CHST3: variants seen among roughly 807,000 people sequenced by gnomAD.
The protein encoded by CHST3 is C6ST-1.
In CHST3, 20 loss-of-function variants were observed where a neutral mutation model predicts 35.4. That is an observed-to-expected ratio of 0.57 (90% CI 0.40 to 0.82). The LOEUF (loss-of-function observed/expected upper bound fraction) is 0.82. CHST3 is among the 40% of genes least tolerant of loss of function. The pLI is 0.00. For missense variants in CHST3, 693 were observed against 670.1 expected (o/e 1.03, Z -0.38); for synonymous variants, 334 against 295.9 (o/e 1.13, Z -1.32).
At chr10:71,976,322 C>T (rs748539037) in intron 1 of CHST3, among the ~76,000 whole-genome samples, 52 of 152,208 alleles carry the variant, frequency 3.4e-4, no homozygotes, top group Non-Finnish European at 6.3e-4. Flanking sequence ...ATTGCCATTG[C>T]TCTCAGTGGG....
intron 1 of CHST3, among the ~76,000 whole-genome samples, chr10:71,989,261 G>A (rs1019236179): frequency 3.9e-5 from 6 of 152,204 alleles, no homozygotes; most frequent in Admixed American, 3.9e-4. Context: ...TGGACAACAG[G>A]GAAAGACCCT....
At chr10:71,970,437 C>T (rs1389553682) in intron 1 of CHST3, among the ~76,000 whole-genome samples, 1 of 152,196 alleles carries the variant, frequency 6.6e-6, no homozygotes, top group African/African-American at 2.4e-5. Flanking sequence ...ACAACCACCT[C>T]GGAGGCCAGC....
At chr10:71,969,501 G>A (rs905097479) in intron 1 of CHST3, among the ~76,000 whole-genome samples, 7 of 152,222 alleles carry the variant, frequency 4.6e-5, no homozygotes, top group Non-Finnish European at 4.4e-5. Flanking sequence ...AAAGGCTGGC[G>A]CCCTTCAAAG....
chr10:71,993,620 T>C (rs1459239434), intron 1 of CHST3, among the ~76,000 whole-genome samples: 1 of 152,242 alleles, frequency 6.6e-6, no homozygotes, highest in Non-Finnish European at 1.5e-5. Flanking sequence ...GAGGAATCAC[T>C]GTCTATTGCA....
At chr10:71,967,944 C>T (rs1589494946) in intron 1 of CHST3, among the ~76,000 whole-genome samples, 2 of 151,932 alleles carry the variant, frequency 1.3e-5, no homozygotes, top group Non-Finnish European at 2.9e-5. Flanking sequence ...GCCTCAGCCC[C>T]CTGATAGGCG....
intron 1 of CHST3, among the ~76,000 whole-genome samples, chr10:72,003,905 A>G (rs1156871347): frequency 6.6e-6 from 1 of 151,924 alleles, no homozygotes; most frequent in African/African-American, 2.4e-5. Flanking sequence ...TATTTAGATA[A>G]TAATAATGAC....
At chr10:72,005,674 G>T (rs1397406294) in intron 1 of CHST3, 62 bp from the exon 2 acceptor site, 4 of 786,584 alleles carry the variant, frequency 5.1e-6, no homozygotes, top group Non-Finnish European at 8.3e-6. Flanking sequence ...GTCTGGTGGA[G>T]AGACATCCTC....
rs1460379688 is a variant in CHST3 at position 72,012,906 on chromosome 10, T to A, written c.*4435T>A. Reference sequence around the variant, plus strand: ...AAAGCAGAATTGGCAACTTCACTTGTCTCAAGAGCTCCAAGATCCTTTGGT... The same window carrying A: ...AAAGCAGAATTGGCAACTTCACTTGACTCAAGAGCTCCAAGATCCTTTGGT... On this transcript the variant is annotated 3_prime_UTR_variant, in exon 3 of 3. Transcript: ENST00000373115. 1 of 152,220 alleles carries A rather than the reference T, an allele frequency of 6.6e-6. No homozygotes were observed. The highest frequency in any genetic ancestry group is 2.4e-5 in the African/African-American group (1 of 41,450). The allele number at this position is 152,220 out of a possible 1,614,324, so 9.4% of individuals were successfully genotyped here. A position where few individuals can be genotyped will look rare whatever the true frequency, so the allele number is the denominator to read the frequency against.
intron 1 of CHST3, among the ~76,000 whole-genome samples, chr10:71,998,644 T>C (rs556699221): frequency 4.6e-4 from 70 of 152,354 alleles, no homozygotes; most frequent in African/African-American, 1.6e-3. Context: ...GCTCAGAGTC[T>C]GTGGCAGCCC....
intron 1 of CHST3, among the ~76,000 whole-genome samples, chr10:71,978,365 T>TA (rs59485657): frequency 3.9e-3 from 521 of 133,066 alleles, no homozygotes; most frequent in Middle Eastern, 7.6e-3. Context: ...GCCTCCGTCT[T>TA]AAAAAAAAAA....
chr10:72,008,746 G>A lies in CHST3; in HGVS notation c.*275G>A. On this transcript the variant is annotated 3_prime_UTR_variant, in exon 3 of 3. Transcript: ENST00000373115. ...AGGCCCGGGCCTGTTGGCAAGCTTC[G>A]ATCTCACACACACAGAAACATACAT... The A allele has an allele frequency of 4.6e-6, 2 of 435,312 alleles. No individual in the cohort carries two copies. The highest frequency in any genetic ancestry group is 7.9e-6 in the Non-Finnish European group (2 of 252,228). The allele number at this position is 435,312 out of a possible 1,614,324, so 27.0% of individuals were successfully genotyped here. A position where few individuals can be genotyped will look rare whatever the true frequency, so the allele number is the denominator to read the frequency against.
At chr10:71,985,639 C>A (rs1005045515) in intron 1 of CHST3, among the ~76,000 whole-genome samples, 3 of 152,332 alleles carry the variant, frequency 2.0e-5, no homozygotes, top group African/African-American at 2.4e-5. Flanking sequence ...ACCCTGCCTC[C>A]TGTTGTGGGA....
intron 1 of CHST3, among the ~76,000 whole-genome samples, chr10:71,988,955 G>A (rs187941063): frequency 6.6e-6 from 1 of 152,234 alleles, no homozygotes; most frequent in Non-Finnish European, 1.5e-5. Flanking sequence ...TTGAGGTCAG[G>A]AATTCGAGAC....
chr10:72,006,118 C>A, intron 2 of CHST3, 136 bp downstream of exon 2: 1 of 1,109,638 alleles, frequency 9.0e-7, no homozygotes, highest in Non-Finnish European at 1.3e-6. Context: ...TTCTATGTCC[C>A]AGGCAGTGGC....
At chr10:71,979,376 G>T (rs1839778538) in intron 1 of CHST3, among the ~76,000 whole-genome samples, 1 of 152,236 alleles carries the variant, frequency 6.6e-6, no homozygotes, top group South Asian at 2.1e-4. Context: ...CGGAGTCTCG[G>T]GAGGGGGGTT....
rs371988923 is a variant in CHST3, at chr10:72,011,196, C to A, written c.*2725C>A. The A allele has an allele frequency of 3.3e-5, 5 of 152,302 alleles. No individual in the cohort carries two copies. Among genetic ancestry groups the A allele is most frequent in the African/African-American group, 1.2e-4 (5 of 41,562 alleles). 9.4% of individuals were successfully genotyped at this position (152,302 alleles called of 1,614,324 possible). A position where few individuals can be genotyped will look rare whatever the true frequency, so the allele number is the denominator to read the frequency against. On this transcript the variant is annotated 3_prime_UTR_variant, in exon 3 of 3. Transcript: ENST00000373115. ...AGGAGAATGAGCTGGAGCGCCAGCA[C>A]CACGATGGCCCCAGGACGTTGTTTA...
chr10:71,975,651 C>T (rs1333161198), intron 1 of CHST3, among the ~76,000 whole-genome samples: 2 of 152,220 alleles, frequency 1.3e-5, no homozygotes, highest in Non-Finnish European at 2.9e-5. Context: ...GCTCAGGGGG[C>T]GCCTGTCCTG....
In CHST3 at chr10:72,007,590, G is replaced by T; in HGVS notation, c.559G>T (p.Val187Leu). The part of the protein sequence containing the change: ...GGANAAGSAL[V>L]YRDVLKQLFL... ...CGCCAACGCCGCGGGCTCGGCCCTG[G>T]TGTACCGCGACGTGCTCAAGCAGCT... Residue 187 changes from valine to leucine, a missense_variant, in exon 3 of 3, where the codon GTG (valine) becomes TTG (leucine). Val to Leu is a conservative substitution (Grantham distance 32, BLOSUM62 1). Coordinates refer to ENST00000373115, the MANE Select transcript of CHST3 (RefSeq NM_004273.5). 6.2e-7 allele frequency: 1 copy of T among 1,609,414 alleles called. No homozygotes were observed. Among genetic ancestry groups the T allele is most frequent in the Admixed American group, 1.7e-5 (1 of 59,956 alleles).
intron 1 of CHST3, among the ~76,000 whole-genome samples, chr10:71,973,802 T>C (rs144943274): frequency 6.6e-6 from 1 of 152,272 alleles, no homozygotes; most frequent in Non-Finnish European, 1.5e-5. Context: ...GGCATTCCAG[T>C]GCATGAGGGA....
Sources: gnomAD v4.1 joint callset for allele counts (sites outside exome capture counted in the v4.1 genomes callset) on GRCh38, gnomAD v4.1.1 for gene constraint, MANE v1.5 for transcripts, NCBI Gene and HGNC (gene_info 2026-07-23, HGNC 2026-07-21) for gene names.